The following MALRD1 variants were observed in gnomAD, a reference collection of about 807,000 sequenced individuals.
MALRD1 encodes the protein MAM and LDL-receptor class A domain-containing protein 1.
In MALRD1, 247 loss-of-function variants were observed where a neutral mutation model predicts 242.1. The observed-to-expected ratio is 1.02, with a 90% CI of 0.92 to 1.13. The LOEUF (loss-of-function observed/expected upper bound fraction) is 1.13, where lower values mean the gene tolerates loss of function less well. MALRD1 is among the 50% of genes most tolerant of loss of function. MALRD1 has a pLI of 0.00. For synonymous variants in MALRD1, 995 were observed against 866.6 expected, an observed-to-expected ratio of 1.15 and a Z score of -2.60; for missense variants, 2,989 against 2,533.1, an observed-to-expected ratio of 1.18 and a Z score of -3.86.
chr10:19,248,402 AAT>A lies in MALRD1; in HGVS notation c.2992-9280_2992-9279del, dbSNP rs1491396064. Among the ~76,000 whole-genome samples the A allele has an allele frequency of 3.9e-4, 57 of 146,980 alleles. 1 individual carries two copies. The highest frequency in any genetic ancestry group is 7.0e-3 in the Middle Eastern group (2 of 284). On this transcript the variant is annotated intron_variant, in intron 18 of 39. Coordinates refer to ENST00000454679, the MANE Select transcript of MALRD1 (RefSeq NM_001142308.3). ...TATTAAGGTGCCATGAAAAAAAAAAAATAAAGTGTGACACATGTAGAAAATGT... is the reference window on the plus strand; with the variant it reads ...TATTAAGGTGCCATGAAAAAAAAAAAAAAGTGTGACACATGTAGAAAATGT...
chr10:19,556,168 A>T (rs1349531069), intron 32 of MALRD1, among the ~76,000 whole-genome samples: 2 of 152,132 alleles, frequency 1.3e-5, no homozygotes, highest in African/African-American at 4.8e-5. Context: ...TGGAAAGAAC[A>T]AACAGTTTTC....
intron 19 of MALRD1, among the ~76,000 whole-genome samples, chr10:19,273,185 A>G (rs1177074651): frequency 6.6e-6 from 1 of 152,216 alleles, no homozygotes; most frequent in African/African-American, 2.4e-5. Flanking sequence ...TAATTTTTAC[A>G]ATCTCAATAA....
chr10:19,674,879 T>C (rs1406613845), intron 36 of MALRD1, among the ~76,000 whole-genome samples: 1 of 150,726 alleles, frequency 6.6e-6, no homozygotes, highest in Non-Finnish European at 1.5e-5. Flanking sequence ...TCTATCCAGC[T>C]CCAGGGAAAT....
At chr10:19,082,834 TC>T (rs1021126594) in intron 2 of MALRD1, among the ~76,000 whole-genome samples, 110 of 152,114 alleles carry the variant, frequency 7.2e-4, no homozygotes, top group African/African-American at 2.6e-3. Flanking sequence ...ACTGTCTTAG[TC>T]AATTTTGGCT....
rs553554108 is a variant in MALRD1 at position 19,542,236 on chromosome 10, A to C, written c.5478+10885A>C. ...GCTTCACTTGGAAGTCTCGGTCTGAAGCTGAATATTATTTCTTTATAAAAA... is the reference window on the plus strand; with the variant it reads ...GCTTCACTTGGAAGTCTCGGTCTGACGCTGAATATTATTTCTTTATAAAAA... On this transcript the variant is annotated intron_variant, in intron 32 of 39. Transcript: ENST00000454679. 5.3e-5 allele frequency among the ~76,000 whole-genome samples: 8 copies of C among 152,256 alleles called. No individual in the cohort carries two copies. In the East Asian group the frequency reaches 1.5e-3, roughly 29 times the overall value.
intron 28 of MALRD1, among the ~76,000 whole-genome samples, chr10:19,431,918 C>T (rs1834146726): frequency 6.6e-6 from 1 of 152,178 alleles, no homozygotes; most frequent in Non-Finnish European, 1.5e-5. Flanking sequence ...ACTTATTACT[C>T]CTCCTGTCAG....
intron 14 of MALRD1, among the ~76,000 whole-genome samples, chr10:19,186,062 G>T (rs924579544): frequency 2.0e-5 from 3 of 151,902 alleles, no homozygotes; most frequent in African/African-American, 7.3e-5. Context: ...TTTTTCCATA[G>T]CCCTGAATAC....
At chr10:19,075,069 G>A (rs1028408541) in intron 2 of MALRD1, among the ~76,000 whole-genome samples, 5 of 151,944 alleles carry the variant, frequency 3.3e-5, no homozygotes, top group African/African-American at 4.8e-5. Context: ...TATGATGAAC[G>A]CTCACTTTGA....
intron 35 of MALRD1, among the ~76,000 whole-genome samples, chr10:19,615,280 G>T (rs1250083857): frequency 6.6e-6 from 1 of 151,714 alleles, no homozygotes; most frequent in Non-Finnish European, 1.5e-5. Context: ...CATTTTGGGA[G>T]GTCAAGGTGG....
At chr10:19,728,206 CCTTT>C in intron 38 of MALRD1, among the ~76,000 whole-genome samples, 1 of 152,172 alleles carries the variant, frequency 6.6e-6, no homozygotes, top group East Asian at 1.9e-4. Flanking sequence ...ACACTGAAAC[CCTTT>C]CTTCTTTTAT....
At chr10:19,059,974 A>G (rs1046587029) in intron 1 of MALRD1, among the ~76,000 whole-genome samples, 3 of 152,210 alleles carry the variant, frequency 2.0e-5, no homozygotes, top group African/African-American at 4.8e-5. Flanking sequence ...TGTCAAAGTT[A>G]TATTAGCAAA....
chr10:19,373,647 T>C (rs1035300612), intron 26 of MALRD1, among the ~76,000 whole-genome samples: 5 of 152,182 alleles, frequency 3.3e-5, no homozygotes, highest in East Asian at 1.9e-4. Flanking sequence ...CTTCTAAGGA[T>C]GTGTCTTGTC....
intron 36 of MALRD1, among the ~76,000 whole-genome samples, chr10:19,635,016 A>G (rs1202503034): frequency 6.6e-6 from 1 of 152,202 alleles, no homozygotes; most frequent in African/African-American, 2.4e-5. Flanking sequence ...AGAACTGAAT[A>G]TTTGTCATGG....
At chr10:19,497,839 A>G (rs1837790666) in intron 30 of MALRD1, among the ~76,000 whole-genome samples, 1 of 152,220 alleles carries the variant, frequency 6.6e-6, no homozygotes, top group South Asian at 2.1e-4. Context: ...AGATCAGGGT[A>G]TCATGATGGC....
chr10:19,478,843 A>G (rs1047384509), intron 29 of MALRD1, among the ~76,000 whole-genome samples: 1 of 152,234 alleles, frequency 6.6e-6, no homozygotes, highest in Non-Finnish European at 1.5e-5. Flanking sequence ...GACAATAATT[A>G]TCACACAGGC....
chr10:19,249,643 T>C (rs1036120498), intron 18 of MALRD1, among the ~76,000 whole-genome samples: 1 of 151,956 alleles, frequency 6.6e-6, no homozygotes, highest in African/African-American at 2.4e-5. Context: ...GAACATTAAA[T>C]GCACAAATAC....
chr10:19,146,102 T>C, intron 10 of MALRD1, 96 bp from the exon 11 acceptor site: 1 of 930,068 alleles, frequency 1.1e-6, no homozygotes, highest in Non-Finnish European at 1.4e-6. Context: ...GCAGAATAAT[T>C]TTGCAGGCCT....
intron 36 of MALRD1, among the ~76,000 whole-genome samples, chr10:19,643,025 T>C (rs1008131693): frequency 1.3e-5 from 2 of 152,228 alleles, no homozygotes; most frequent in Admixed American, 6.5e-5. Flanking sequence ...TGCCATCTTA[T>C]CACATCCTTG....
At chr10:19,473,685 A>T (rs978235434) in intron 29 of MALRD1, among the ~76,000 whole-genome samples, 1 of 151,968 alleles carries the variant, frequency 6.6e-6, no homozygotes, top group African/African-American at 2.4e-5. Context: ...AGGCAGAATA[A>T]TGTTCTATTG....
Sources: gnomAD v4.1 joint callset for allele counts (sites outside exome capture counted in the v4.1 genomes callset) on GRCh38, gnomAD v4.1.1 for gene constraint, MANE v1.5 for transcripts, NCBI Gene and HGNC (gene_info 2026-07-23, HGNC 2026-07-21) for gene names.